Variants in SLC36A3 observed in about 807,000 individuals in gnomAD.
SLC36A3 encodes the protein proton-coupled amino acid transporter 3.
A neutral mutation model predicts 44.3 loss-of-function variants in SLC36A3; 35 were observed. The ratio of observed to expected loss-of-function variants is 0.79; its 90% confidence interval spans 0.60 to 1.05. SLC36A3 has a LOEUF of 1.05. SLC36A3 is among the 50% of genes least tolerant of loss of function. The pLI, the probability that SLC36A3 is intolerant of heterozygous loss-of-function variation, is 0.00. For synonymous variants in SLC36A3, 211 were observed against 227.6 expected (o/e 0.93, Z 0.66); for missense variants, 540 against 578.7 (o/e 0.93, Z 0.69).
At chr5:151,277,935 T>C (rs1285767931) in intron 9 of SLC36A3, among the ~76,000 whole-genome samples, 1 of 152,156 alleles carries the variant, frequency 6.6e-6, no homozygotes, top group Non-Finnish European at 1.5e-5. Context: ...CTCCCCACTG[T>C]AGAGATGGGG....
chr5:151,299,264 C>CTCTCTCTCTCTCTCTCTCTCTA (rs1372309288), intron 1 of SLC36A3, among the ~76,000 whole-genome samples: 1 of 59,646 alleles, frequency 1.7e-5, no homozygotes, highest in African/African-American at 6.2e-5. Flanking sequence ...CTCTCTCTCT[C>CTCTCTCTCTCTCTCTCTCTCTA]TATATATATA....
chr5:151,301,959 T>C (rs144283427), intron 1 of SLC36A3, among the ~76,000 whole-genome samples: 12 of 152,364 alleles, frequency 7.9e-5, no homozygotes, highest in African/African-American at 2.4e-4. Flanking sequence ...TCAAAGGGTA[T>C]ATTTATTTAT....
chr5:151,295,804 G>A (rs1468846728), intron 3 of SLC36A3, among the ~76,000 whole-genome samples: 1 of 152,182 alleles, frequency 6.6e-6, no homozygotes, highest in East Asian at 1.9e-4. Flanking sequence ...ACAAGGTGTG[G>A]GTATTGGAGT....
intron 2 of SLC36A3, 93 bp from the exon 3 acceptor site, chr5:151,296,361 T>C (rs1473368120): frequency 6.6e-6 from 7 of 1,059,342 alleles, no homozygotes; most frequent in Non-Finnish European, 1.0e-5. Context: ...GCCTGTTGCA[T>C]AATAAAACTG....
At chr5:151,290,193 A>C (rs1295040339) in intron 4 of SLC36A3, among the ~76,000 whole-genome samples, 1 of 152,178 alleles carries the variant, frequency 6.6e-6, no homozygotes, top group Non-Finnish European at 1.5e-5. Context: ...TAAAAGAACA[A>C]AAATATGTTC....
At chr5:151,296,903 T>C (rs1754980521) in intron 2 of SLC36A3, 1 of 152,518 alleles carries the variant, frequency 6.6e-6, no homozygotes, top group Admixed American at 6.5e-5. Flanking sequence ...ACTACTGTAG[T>C]GTGTCTAATT....
intron 3 of SLC36A3, among the ~76,000 whole-genome samples, chr5:151,295,489 A>G (rs186992148): frequency 2.0e-4 from 30 of 152,324 alleles, no homozygotes; most frequent in Non-Finnish European, 8.8e-5. Context: ...GGTTATGATA[A>G]TTAGGCTTTA....
At chr5:151,297,621 C>T (rs6876589) in intron 2 of SLC36A3, 59,944 of 152,130 alleles carry the variant, frequency 0.39, 12,395 homozygotes, top group African/African-American at 0.49. Context: ...TCAGACAGTT[C>T]TTGCCCACAG....
At position 151,277,399 on chromosome 5, in the gene SLC36A3, A is replaced by G. The variant is rs142325705; in HGVS notation, c.1407T>C (p.His469=). The G allele has an allele frequency of 5.6e-5, 91 of 1,614,140 alleles. No individual in the cohort carries two copies. In the African/African-American group the frequency reaches 1.1e-3, roughly 19 times the overall value. Reference sequence around the variant, plus strand: ...TTAGAATAAAAACAGATAATTATGCATGGACACCTGTGGAGTTGGCCATGG... The same window carrying G: ...TTAGAATAAAAACAGATAATTATGCGTGGACACCTGTGGAGTTGGCCATGG... ...SHSMANSTGV[H]A Residue 469 remains histidine (H), a synonymous_variant, in exon 10 of 10, where the codon CAT becomes CAC. Coordinates refer to ENST00000335230, the MANE Select transcript of SLC36A3 (RefSeq NM_181774.4).
intron 7 of SLC36A3, 65 bp from the exon 8 acceptor site, chr5:151,284,275 AGGGTT>A: frequency 6.7e-7 from 1 of 1,497,918 alleles, no homozygotes; most frequent in Non-Finnish European, 9.0e-7. Flanking sequence ...TGTGAAGGAG[AGGGTT>A]CCCGTACAAG....
In SLC36A3 at chr5:151,277,314, G is replaced by C. The variant is rs1417298360; in HGVS notation, c.*79C>G. 2 of 1,536,954 alleles carry C rather than the reference G, an allele frequency of 1.3e-6. No homozygotes were observed. The highest frequency in any genetic ancestry group is 1.8e-6 in the Non-Finnish European group (2 of 1,127,290). ...AATTAATATAGAGATGTTGGGATTT[G>C]ATGAAGGTATATAACATCCACATGG... On this transcript the variant is annotated 3_prime_UTR_variant, in exon 10 of 10. Coordinates refer to ENST00000335230, the MANE Select transcript of SLC36A3 (RefSeq NM_181774.4).
chr5:151,287,562 T>G (rs1754590403), intron 5 of SLC36A3, 98 bp from the exon 6 acceptor site: 1 of 1,119,840 alleles, frequency 8.9e-7, no homozygotes, highest in East Asian at 2.5e-5. Context: ...CTTTTTAGTA[T>G]AAATATGCCC....
chr5:151,299,395 T>TATATATATA lies in SLC36A3; in HGVS notation c.129-721_129-713dup, dbSNP rs1755098279. ...GTGATATATATATATATATATATATTATATATATATGAATTGCTATATATC... is the reference window on the plus strand; with the variant it reads ...GTGATATATATATATATATATATATTATATATATAATATATATATGAATTGCTATATATC... On this transcript the variant is annotated intron_variant, in intron 1 of 9. Coordinates refer to ENST00000335230, the MANE Select transcript of SLC36A3 (RefSeq NM_181774.4). Among the ~76,000 whole-genome samples, 7 of 134,538 alleles carry TATATATATA rather than the reference T, an allele frequency of 5.2e-5. No homozygotes were observed. The South Asian group carries it at 7.0e-4, about 13-fold the overall frequency. 88.3% of individuals were successfully genotyped at this position (134,538 alleles called of 152,430 possible). A position where few individuals can be genotyped will look rare whatever the true frequency, so the allele number is the denominator to read the frequency against.
intron 2 of SLC36A3, chr5:151,296,544 G>A (rs1339149198): frequency 6.2e-6 from 3 of 486,980 alleles, no homozygotes; most frequent in Non-Finnish European, 1.1e-5. Context: ...TTTTCCTTGA[G>A]TTCTACCAGT....
intron 4 of SLC36A3, among the ~76,000 whole-genome samples, chr5:151,290,730 C>T (rs1035677118): frequency 3.9e-5 from 6 of 152,106 alleles, no homozygotes; most frequent in African/African-American, 1.2e-4. Context: ...CCCATCTCTA[C>T]TAAAAATACA....
chr5:151,296,529 T>C (rs1754965916), intron 2 of SLC36A3: 1 of 517,818 alleles, frequency 1.9e-6, no homozygotes, highest in Non-Finnish European at 3.5e-6. Context: ...CCATGCATTT[T>C]CTCATTTTCC....
At chr5:151,300,345 C>T (rs1316176432) in intron 1 of SLC36A3, among the ~76,000 whole-genome samples, 1 of 152,200 alleles carries the variant, frequency 6.6e-6, no homozygotes, top group African/African-American at 2.4e-5. Context: ...CTGTTGGGGA[C>T]TTCTGTGACT....
At chr5:151,278,029 G>A (rs551336526) in intron 9 of SLC36A3, among the ~76,000 whole-genome samples, 90 of 152,228 alleles carry the variant, frequency 5.9e-4, no homozygotes, top group African/African-American at 2.1e-3. Context: ...CCCATCTAAG[G>A]TCCTTTTCAC....
intron 8 of SLC36A3, among the ~76,000 whole-genome samples, 190 bp downstream of exon 8, chr5:151,283,854 C>T (rs1754423709): frequency 6.6e-6 from 1 of 152,266 alleles, no homozygotes; most frequent in Non-Finnish European, 1.5e-5. Context: ...AATTGCACTT[C>T]CCTGCCCCCT....
Sources: gnomAD v4.1 joint callset for allele counts (sites outside exome capture counted in the v4.1 genomes callset) on GRCh38, gnomAD v4.1.1 for gene constraint, MANE v1.5 for transcripts, NCBI Gene and HGNC (gene_info 2026-07-23, HGNC 2026-07-21) for gene names.